Variants in GRID2 observed in about 807,000 individuals in gnomAD.
The protein encoded by GRID2 is glutamate ionotropic receptor delta type subunit 2, also known as glutamate receptor ionotropic, delta-2.
A neutral mutation model predicts 114.8 loss-of-function variants in GRID2; 33 were observed. That is an observed-to-expected ratio of 0.29 (90% confidence interval 0.22 to 0.38). GRID2 has a LOEUF of 0.38. Among genes scored for constraint, GRID2 ranks in the 10% least tolerant of loss-of-function variants. GRID2 has a pLI of 1.00. For missense variants in GRID2, 1,184 were observed against 1,257.7 expected (o/e 0.94, Z 0.89); for synonymous variants, 505 against 449.9 (o/e 1.12, Z -1.55).
intron 2 of GRID2, among the ~76,000 whole-genome samples, chr4:92,936,119 CT>C (rs1426031840): frequency 6.8e-6 from 1 of 146,504 alleles, no homozygotes; most frequent in Non-Finnish European, 1.5e-5. Flanking sequence ...AAGAAATGCA[CT>C]TTTAAAATTA....
At chr4:93,290,221 G>T (rs1233040388) in intron 8 of GRID2, among the ~76,000 whole-genome samples, 1 of 152,154 alleles carries the variant, frequency 6.6e-6, no homozygotes, top group Non-Finnish European at 1.5e-5. Flanking sequence ...CTAAAGGACT[G>T]ATACTAATGT....
At chr4:93,174,424 T>C (rs896088305) in intron 4 of GRID2, among the ~76,000 whole-genome samples, 1 of 152,208 alleles carries the variant, frequency 6.6e-6, no homozygotes, top group Non-Finnish European at 1.5e-5. Context: ...TGGAGATTCA[T>C]CTAAGTTGTT....
At chr4:93,742,987 T>C (rs1298899597) in intron 14 of GRID2, among the ~76,000 whole-genome samples, 2 of 152,236 alleles carry the variant, frequency 1.3e-5, no homozygotes, top group African/African-American at 4.8e-5. Context: ...TTAGTTGTCT[T>C]GTGCCAGTTA....
At position 92,869,926 on chromosome 4, in the gene GRID2, G is replaced by A. The variant is rs183839181; in HGVS notation, c.245-215069G>A. Among the ~76,000 whole-genome samples the A allele has an allele frequency of 1.4e-4, 22 of 152,154 alleles. No individual in the cohort carries two copies. The East Asian group carries it at 3.5e-3, about 24-fold the overall frequency. On this transcript the variant is annotated intron_variant, in intron 2 of 15. Coordinates refer to ENST00000282020, the MANE Select transcript of GRID2 (RefSeq NM_001510.4). Reference sequence around the variant, plus strand: ...TATTAACTATAAGTTGGGTGCAGTGGCCCATGCCCATGATCTCAGCATTTT... The same window carrying A: ...TATTAACTATAAGTTGGGTGCAGTGACCCATGCCCATGATCTCAGCATTTT...
chr4:93,070,686 A>G (rs1032359998), intron 2 of GRID2, among the ~76,000 whole-genome samples: 1 of 152,100 alleles, frequency 6.6e-6, no homozygotes, highest in Non-Finnish European at 1.5e-5. Context: ...TAAAATAAAT[A>G]GAATAGCCAT....
At chr4:92,659,467 GTT>G (rs1732414791) in intron 2 of GRID2, among the ~76,000 whole-genome samples, 1 of 151,370 alleles carries the variant, frequency 6.6e-6, no homozygotes, top group Non-Finnish European at 1.5e-5. Context: ...ACTTTAGAAT[GTT>G]TCAGATAGAG....
intron 4 of GRID2, among the ~76,000 whole-genome samples, chr4:93,157,494 C>T (rs1737294717): frequency 6.6e-6 from 1 of 151,794 alleles, no homozygotes; most frequent in Middle Eastern, 3.4e-3. Context: ...TGCAGAATCA[C>T]CAAAATTATA....
At chr4:93,663,195 A>G (rs2149740211) in intron 14 of GRID2, among the ~76,000 whole-genome samples, 1 of 152,340 alleles carries the variant, frequency 6.6e-6, no homozygotes, top group African/African-American at 2.4e-5. Flanking sequence ...GAATGCAAAC[A>G]AGGCCATATC....
At chr4:93,658,812 C>T (rs191116429) in intron 14 of GRID2, among the ~76,000 whole-genome samples, 14 of 152,146 alleles carry the variant, frequency 9.2e-5, no homozygotes, top group Non-Finnish European at 1.3e-4. Flanking sequence ...CAATCTCCAG[C>T]GAATAGTTTT....
At chr4:93,604,487 T>C (rs1238497449) in intron 13 of GRID2, among the ~76,000 whole-genome samples, 2 of 152,194 alleles carry the variant, frequency 1.3e-5, no homozygotes, top group Non-Finnish European at 2.9e-5. Flanking sequence ...TAAACATTGT[T>C]AACATAACAA....
chr4:93,002,340 T>C (rs1721078992), intron 2 of GRID2, among the ~76,000 whole-genome samples: 1 of 151,928 alleles, frequency 6.6e-6, no homozygotes. Context: ...GATGTTCTAC[T>C]GTAATACAAA....
intron 2 of GRID2, among the ~76,000 whole-genome samples, chr4:92,829,119 G>T (rs1467035397): frequency 5.3e-5 from 8 of 152,076 alleles, no homozygotes; most frequent in Admixed American, 2.0e-4. Context: ...TGTTGTCTAG[G>T]TTTTCTTCTA....
intron 2 of GRID2, among the ~76,000 whole-genome samples, chr4:93,069,618 G>A (rs1391742953): frequency 6.6e-6 from 1 of 152,054 alleles, no homozygotes; most frequent in Non-Finnish European, 1.5e-5. Context: ...AATTAAGTTA[G>A]AATGTGCCAA....
chr4:93,611,832 C>A (rs186841028), intron 13 of GRID2, among the ~76,000 whole-genome samples: 11,779 of 150,668 alleles, frequency 0.078, 568 homozygotes, highest in Middle Eastern at 0.12. Context: ...CTATTAGGTC[C>A]CCCTGGTGCA....
chr4:93,353,669 CAGTG>C (rs1042459261), intron 8 of GRID2, among the ~76,000 whole-genome samples: 1 of 151,990 alleles, frequency 6.6e-6, no homozygotes, highest in South Asian at 2.1e-4. Context: ...AAAAAATTGA[CAGTG>C]AGTTTAAAGC....
Position 92,851,746 on chromosome 4 carries a change from A to G in GRID2, c.245-233249A>G, listed in dbSNP as rs148290697. Reference sequence around the variant, plus strand: ...AACTCTAAATGCCATGCTTTCCATTATTATAGGTCATAGGAGTACATAATA... The same window carrying G: ...AACTCTAAATGCCATGCTTTCCATTGTTATAGGTCATAGGAGTACATAATA... On this transcript the variant is annotated intron_variant, in intron 2 of 15. Coordinates refer to ENST00000282020, the MANE Select transcript of GRID2 (RefSeq NM_001510.4). 7.1e-3 allele frequency among the ~76,000 whole-genome samples: 1,082 copies of G among 152,068 alleles called. 6 individuals are homozygous for G. Among genetic ancestry groups the G allele is most frequent in the Middle Eastern group, 0.031 (9 of 294 alleles).
At chr4:93,128,162 C>T (rs886114490) in intron 4 of GRID2, among the ~76,000 whole-genome samples, 2 of 150,776 alleles carry the variant, frequency 1.3e-5, no homozygotes, top group East Asian at 4.0e-4. Flanking sequence ...TGCCTAACTC[C>T]CACTAAATTA....
intron 4 of GRID2, among the ~76,000 whole-genome samples, chr4:93,201,617 G>A (rs572985592): frequency 5.2e-4 from 79 of 152,308 alleles, no homozygotes; most frequent in African/African-American, 1.8e-3. Flanking sequence ...GCTTAATTTA[G>A]TTAAGCCACA....
chr4:93,055,614 C>G (rs1325217737), intron 2 of GRID2, among the ~76,000 whole-genome samples: 1 of 151,778 alleles, frequency 6.6e-6, no homozygotes, highest in Non-Finnish European at 1.5e-5. Context: ...AAGTTTTTTC[C>G]TCATGAAGAA....
Sources: allele counts gnomAD v4.1 joint callset (sites outside exome capture counted in the v4.1 genomes callset), GRCh38; gene constraint gnomAD v4.1.1; transcripts MANE v1.5; gene names NCBI Gene and HGNC (gene_info 2026-07-23, HGNC 2026-07-21).